Variants in FOCAD observed in about 807,000 individuals in gnomAD.
FOCAD encodes the protein KIAA1797.
In FOCAD, 198 loss-of-function variants were observed where a neutral mutation model predicts 225.6. The observed-to-expected ratio is 0.88, with a 90% CI of 0.78 to 0.99. The LOEUF (loss-of-function observed/expected upper bound fraction) is 0.99, where lower values mean the gene tolerates loss of function less well. Among genes scored for constraint, FOCAD ranks in the 50% least tolerant of loss-of-function variants. FOCAD has a pLI of 0.00. For missense variants in FOCAD, 2,713 were observed against 2,123.6 expected, an observed-to-expected ratio of 1.28 and a Z score of -5.46; for synonymous variants, 897 against 755.0, an observed-to-expected ratio of 1.19 and a Z score of -3.08.
chr9:20,789,650 T>C, intron 11 of FOCAD, 42 bp downstream of exon 11: 6 of 1,601,032 alleles, frequency 3.7e-6, no homozygotes, highest in Non-Finnish European at 3.4e-6. Flanking sequence ...GAGGAAAGCT[T>C]AATCATTGGA....
chr9:20,954,981 T>G (rs1183648664), intron 35 of FOCAD, among the ~76,000 whole-genome samples: 1 of 152,172 alleles, frequency 6.6e-6, no homozygotes, highest in Non-Finnish European at 1.5e-5. Flanking sequence ...GTTTTCTTCT[T>G]CAATATACCC....
intron 35 of FOCAD, among the ~76,000 whole-genome samples, chr9:20,970,451 G>C (rs149610826): frequency 1.3e-5 from 2 of 152,100 alleles, no homozygotes; most frequent in South Asian, 4.2e-4. Context: ...GCCTGCTCAA[G>C]TCTGCTATTT....
chr9:20,977,652 A>G (rs538518210), intron 36 of FOCAD, among the ~76,000 whole-genome samples: 1 of 152,318 alleles, frequency 6.6e-6, no homozygotes, highest in Non-Finnish European at 1.5e-5. Context: ...TGATATATAA[A>G]ACAACTTCTA....
At chr9:20,919,420 C>T (rs1433734013) in intron 24 of FOCAD, among the ~76,000 whole-genome samples, 1 of 152,178 alleles carries the variant, frequency 6.6e-6, no homozygotes. Flanking sequence ...ATGCCATCCC[C>T]ATCAAGCTAC....
chr9:20,926,521 C>T (rs537340447), intron 26 of FOCAD, 104 bp downstream of exon 26: 18 of 714,106 alleles, frequency 2.5e-5, no homozygotes, highest in South Asian at 1.8e-4. Context: ...CGGTGGCTCA[C>T]GCCTGTAATC....
chr9:20,987,781 A>G (rs1841318839), intron 40 of FOCAD, among the ~76,000 whole-genome samples: 1 of 152,230 alleles, frequency 6.6e-6, no homozygotes, highest in African/African-American at 2.4e-5. Context: ...CGTTTTTGAA[A>G]CATGTCCTTA....
At chr9:20,888,690 T>G (rs1831338963) in intron 21 of FOCAD, among the ~76,000 whole-genome samples, 1 of 152,138 alleles carries the variant, frequency 6.6e-6, no homozygotes, top group Admixed American at 6.5e-5. Context: ...AGGAACCCAG[T>G]GGGAGGTGAC....
At chr9:20,877,210 G>A (rs1384177451) in intron 19 of FOCAD, among the ~76,000 whole-genome samples, 1 of 152,106 alleles carries the variant, frequency 6.6e-6, no homozygotes, top group Non-Finnish European at 1.5e-5. Flanking sequence ...TCCCCGTCAA[G>A]TGTCCTTGAG....
intron 18 of FOCAD, among the ~76,000 whole-genome samples, chr9:20,871,626 C>T (rs1829773836): frequency 6.6e-6 from 1 of 150,630 alleles, no homozygotes; most frequent in Admixed American, 6.6e-5. Context: ...ACCACCTGTT[C>T]CCAAATAACC....
intron 15 of FOCAD, among the ~76,000 whole-genome samples, chr9:20,853,136 A>G (rs765479539): frequency 1.3e-5 from 2 of 151,790 alleles, no homozygotes; most frequent in Non-Finnish European, 3.0e-5. Flanking sequence ...ATACAGACAG[A>G]ATCTAGCAAA....
At chr9:20,873,430 T>G (rs1038374824) in intron 18 of FOCAD, among the ~76,000 whole-genome samples, 4 of 152,178 alleles carry the variant, frequency 2.6e-5, no homozygotes, top group African/African-American at 9.6e-5. Flanking sequence ...TCAAAAGGTT[T>G]GCGAACATGC....
chr9:20,913,094 T>C (rs1833574869), intron 23 of FOCAD, 140 bp downstream of exon 23: 1 of 616,616 alleles, frequency 1.6e-6, no homozygotes, highest in East Asian at 2.9e-5. Flanking sequence ...GAAGAGCTGA[T>C]AGGTGTATTC....
At chr9:20,729,605 T>G (rs1411872544) in intron 4 of FOCAD, among the ~76,000 whole-genome samples, 11 of 152,190 alleles carry the variant, frequency 7.2e-5, no homozygotes, top group Non-Finnish European at 1.5e-4. Flanking sequence ...TGAGCATATG[T>G]GTGCTAGGAT....
intron 35 of FOCAD, among the ~76,000 whole-genome samples, chr9:20,956,945 C>T (rs1329531110): frequency 6.6e-6 from 1 of 152,112 alleles, no homozygotes; most frequent in African/African-American, 2.4e-5. Context: ...CCGCCTGCCT[C>T]GGCCTCCCAA....
intron 23 of FOCAD, 50 bp from the exon 24 acceptor site, chr9:20,916,843 G>A: frequency 1.3e-6 from 2 of 1,514,268 alleles, no homozygotes; most frequent in Non-Finnish European, 1.8e-6. Context: ...AGAAAGGAAT[G>A]ATTTCTTGTT....
intron 1 of FOCAD, among the ~76,000 whole-genome samples, chr9:20,700,673 C>T (rs1374991160): frequency 6.6e-6 from 1 of 152,050 alleles, no homozygotes; most frequent in Non-Finnish European, 1.5e-5. Flanking sequence ...CTACTTCTGG[C>T]TGTTATTTAT....
chr9:20,808,629 A>G (rs1367642269), intron 11 of FOCAD, among the ~76,000 whole-genome samples: 2 of 152,174 alleles, frequency 1.3e-5, no homozygotes, highest in Non-Finnish European at 2.9e-5. Flanking sequence ...GAGCAGGAGG[A>G]GGGAATAGAT....
chr9:20,941,868 A>T (rs1836690795), intron 28 of FOCAD, among the ~76,000 whole-genome samples: 1 of 152,228 alleles, frequency 6.6e-6, no homozygotes, highest in Admixed American at 6.5e-5. Context: ...TCTTGGTTCA[A>T]AGCTGGCAGA....
At chr9:20,813,956 C>T (rs181287234) in intron 11 of FOCAD, among the ~76,000 whole-genome samples, 25 of 152,210 alleles carry the variant, frequency 1.6e-4, no homozygotes, top group Admixed American at 1.6e-3. Flanking sequence ...GGTGAATTGA[C>T]CCATTTATCA....
Sources: gnomAD v4.1 joint callset for allele counts (sites outside exome capture counted in the v4.1 genomes callset) on GRCh38, gnomAD v4.1.1 for gene constraint, MANE v1.5 for transcripts, NCBI Gene and HGNC (gene_info 2026-07-23, HGNC 2026-07-21) for gene names.